Variants in PACRG observed in about 807,000 individuals in gnomAD.
PACRG encodes parkin coregulated gene protein.
Under a neutral mutation model 29.7 loss-of-function variants are expected in PACRG, and 29 were observed. That is an observed-to-expected ratio of 0.98 (90% CI 0.73 to 1.33). The LOEUF is 1.33. Ranked by LOEUF, PACRG falls within the 40% of genes most tolerant of loss-of-function variation. PACRG has a pLI of 0.00. For missense variants in PACRG, 279 were observed against 316.2 expected, an observed-to-expected ratio of 0.88 and a Z score of 0.89; for synonymous variants, 116 against 118.7, an observed-to-expected ratio of 0.98 and a Z score of 0.15.
At chr6:162,838,561 C>G (rs983529538) in intron 2 of PACRG, among the ~76,000 whole-genome samples, 1 of 152,076 alleles carries the variant, frequency 6.6e-6, no homozygotes, top group Non-Finnish European at 1.5e-5. Context: ...GTCTTTCCCA[C>G]ACTAGTTATT....
chr6:163,121,881 C>A (rs1414903603), intron 4 of PACRG, among the ~76,000 whole-genome samples: 1 of 151,868 alleles, frequency 6.6e-6, no homozygotes, highest in Non-Finnish European at 1.5e-5. Context: ...CCAGGATGGT[C>A]TCAATCTCCT....
At chr6:163,212,521 G>T (rs553719183) in intron 4 of PACRG, among the ~76,000 whole-genome samples, 1 of 152,298 alleles carries the variant, frequency 6.6e-6, no homozygotes, top group East Asian at 1.9e-4. Context: ...GGAGACATGT[G>T]CAGGGGACAC....
chr6:163,283,126 A>G (rs1305598682), intron 4 of PACRG, among the ~76,000 whole-genome samples: 1 of 152,250 alleles, frequency 6.6e-6, no homozygotes, highest in Non-Finnish European at 1.5e-5. Flanking sequence ...ATCAAAATCA[A>G]GTTTTAGATT....
chr6:162,873,917 T>C (rs1341171656), intron 2 of PACRG, among the ~76,000 whole-genome samples: 1 of 152,178 alleles, frequency 6.6e-6, no homozygotes, highest in Non-Finnish European at 1.5e-5. Context: ...CTTAGATTCC[T>C]TGTAACTCAA....
intron 4 of PACRG, among the ~76,000 whole-genome samples, chr6:163,122,189 T>C (rs1330274407): frequency 6.6e-6 from 1 of 152,142 alleles, no homozygotes; most frequent in African/African-American, 2.4e-5. Flanking sequence ...AGATAATATC[T>C]TGAGAAAAAA....
intron 4 of PACRG, among the ~76,000 whole-genome samples, chr6:163,152,775 T>C (rs1778151299): frequency 6.6e-6 from 1 of 152,230 alleles, no homozygotes; most frequent in South Asian, 2.1e-4. Flanking sequence ...GGCAAAGTGA[T>C]TTTGAAAAAT....
intron 4 of PACRG, among the ~76,000 whole-genome samples, chr6:163,230,744 G>T (rs1781999228): frequency 6.6e-6 from 1 of 152,248 alleles, no homozygotes; most frequent in Non-Finnish European, 1.5e-5. Flanking sequence ...AAGAACGCAG[G>T]ATGGTGTGTA....
chr6:163,240,188 G>A (rs763038582), intron 4 of PACRG, among the ~76,000 whole-genome samples: 4 of 152,080 alleles, frequency 2.6e-5, no homozygotes, highest in East Asian at 1.9e-4. Flanking sequence ...TGCCTCCGCC[G>A]GGCCTGTGGG....
chr6:163,269,525 C>T (rs1443789548), intron 4 of PACRG, among the ~76,000 whole-genome samples: 1 of 152,162 alleles, frequency 6.6e-6, no homozygotes, highest in African/African-American at 2.4e-5. Flanking sequence ...CAGTTCGCTA[C>T]CTCCTACCTT....
chr6:163,131,459 T>C (rs899511751), intron 4 of PACRG, among the ~76,000 whole-genome samples: 2 of 151,888 alleles, frequency 1.3e-5, no homozygotes, highest in African/African-American at 4.8e-5. Flanking sequence ...AGCCAAGAAA[T>C]GCTAAGGATT....
At chr6:163,130,774 GGTCC>G (rs1397154361) in intron 4 of PACRG, among the ~76,000 whole-genome samples, 1 of 152,144 alleles carries the variant, frequency 6.6e-6, no homozygotes, top group African/African-American at 2.4e-5. Flanking sequence ...GCACTTAGCG[GGTCC>G]TTTGCCTGGG....
chr6:162,737,413 A>T (rs1314747653), intron 1 of PACRG, among the ~76,000 whole-genome samples: 4 of 152,226 alleles, frequency 2.6e-5, no homozygotes, highest in Non-Finnish European at 5.9e-5. Context: ...ATCTGGGTAC[A>T]TAGTATGATG....
intron 4 of PACRG, among the ~76,000 whole-genome samples, chr6:163,231,026 A>T (rs993055418): frequency 6.6e-6 from 1 of 152,214 alleles, no homozygotes; most frequent in Non-Finnish European, 1.5e-5. Context: ...AACTAAGAAG[A>T]TCCCTGCAAA....
At chr6:162,787,398 G>A (rs9347688) in intron 1 of PACRG, among the ~76,000 whole-genome samples, 98,864 of 150,620 alleles carry the variant, frequency 0.66, 33,030 homozygotes, top group South Asian at 0.82. Context: ...AACTAGCAGG[G>A]GGTCTCACAT....
intron 4 of PACRG, among the ~76,000 whole-genome samples, chr6:163,102,298 T>G (rs1487475510): frequency 6.6e-6 from 1 of 152,256 alleles, no homozygotes; most frequent in Non-Finnish European, 1.5e-5. Flanking sequence ...CCAGCACTGA[T>G]GGCAGACTTA....
At chr6:163,022,916 G>A (rs1806771044) in intron 2 of PACRG, among the ~76,000 whole-genome samples, 1 of 151,984 alleles carries the variant, frequency 6.6e-6, no homozygotes, top group Admixed American at 6.6e-5. Context: ...AGTTCTGATG[G>A]GCCACCATGC....
intron 1 of PACRG, among the ~76,000 whole-genome samples, chr6:162,768,421 T>G (rs1782965283): frequency 6.6e-6 from 1 of 152,116 alleles, no homozygotes; most frequent in South Asian, 2.1e-4. Flanking sequence ...TGCTTTGATC[T>G]CTTGGCATTG....
At chr6:163,079,416 AAAAAAG>A (rs1322997889) in intron 3 of PACRG, among the ~76,000 whole-genome samples, 1 of 151,610 alleles carries the variant, frequency 6.6e-6, no homozygotes, top group Non-Finnish European at 1.5e-5. Context: ...TTAAAAAAAA[AAAAAAG>A]AAAGAAAGAA....
intron 2 of PACRG, among the ~76,000 whole-genome samples, chr6:162,854,830 C>A (rs1358211026): frequency 6.6e-6 from 1 of 152,242 alleles, no homozygotes; most frequent in Non-Finnish European, 1.5e-5. Context: ...GGTTTTAGCA[C>A]AGCTGTCCCT....
Sources: allele counts gnomAD v4.1 joint callset (sites outside exome capture counted in the v4.1 genomes callset), GRCh38; gene constraint gnomAD v4.1.1; transcripts MANE v1.5; gene names NCBI Gene and HGNC (gene_info 2026-07-23, HGNC 2026-07-21).